Variants in RGS3 observed in about 807,000 individuals in gnomAD.
RGS3 encodes the protein regulator of G protein signaling 3.
A neutral mutation model predicts 132.6 loss-of-function variants in RGS3; 80 were observed. That is an observed-to-expected ratio of 0.60 (90% CI 0.50 to 0.73). The LOEUF (loss-of-function observed/expected upper bound fraction) is 0.73. Ranked by LOEUF, RGS3 falls within the 30% of genes least tolerant of loss-of-function variation. The probability of loss-of-function intolerance (pLI) is 0.00; values close to 1 mark genes in which losing one functional copy is unlikely to be tolerated. For missense variants in RGS3, 1,382 were observed against 1,530.8 expected, an observed-to-expected ratio of 0.90 and a Z score of 1.62; for synonymous variants, 598 against 620.6, an observed-to-expected ratio of 0.96 and a Z score of 0.54.
At position 113,596,617 on chromosome 9, in the gene RGS3, C is replaced by G. The variant is rs912990530; in HGVS notation, c.3412-151C>G. 1.8e-5 allele frequency: 11 copies of G among 623,128 alleles called. No individual in the cohort carries two copies. In the African/African-American group the frequency reaches 1.9e-4, roughly 11 times the overall value. The allele number at this position is 623,128 out of a possible 1,614,324, so 38.6% of individuals were successfully genotyped here. A position where few individuals can be genotyped will look rare whatever the true frequency, so the allele number is the denominator to read the frequency against. On this transcript the variant is annotated intron_variant, in intron 24 of 24. Coordinates refer to ENST00000350696, the Ensembl canonical transcript of RGS3. ...ATGACTGAGCCAGGACTTGAATCCTCTGGTCTGAGGGTCTCTACTTCAGAT... is the reference window on the plus strand; with the variant it reads ...ATGACTGAGCCAGGACTTGAATCCTGTGGTCTGAGGGTCTCTACTTCAGAT...
chr9:113,540,524 C>T (rs1832858316), intron 19 of RGS3, among the ~76,000 whole-genome samples: 1 of 152,136 alleles, frequency 6.6e-6, no homozygotes, highest in African/African-American at 2.4e-5. Flanking sequence ...CCTGGCTATC[C>T]AAGCATCATC....
intron 20 of RGS3, among the ~76,000 whole-genome samples, chr9:113,590,671 TG>T (rs1835375556): frequency 6.6e-6 from 1 of 151,902 alleles, no homozygotes; most frequent in Admixed American, 6.6e-5. Context: ...GACCTTCTGT[TG>T]GTTGGAAGGC....
intron 10 of RGS3, chr9:113,501,549 G>T (rs777970831): frequency 1.2e-5 from 18 of 1,539,640 alleles, no homozygotes; most frequent in Non-Finnish European, 1.6e-5. Context: ...GTTTTCATGG[G>T]GCGGCAGCCG....
intron 5 of RGS3, among the ~76,000 whole-genome samples, chr9:113,483,757 G>A (rs1278154156): frequency 6.6e-6 from 1 of 152,204 alleles, no homozygotes; most frequent in Non-Finnish European, 1.5e-5. Context: ...CCTTGGCAGA[G>A]GCTGACCTGG....
chr9:113,523,072 C>G (rs1206647217), intron 17 of RGS3, 31 bp downstream of exon 15: 2 of 1,425,830 alleles, frequency 1.4e-6, no homozygotes, highest in East Asian at 2.3e-5. Context: ...CCCAGAGCCC[C>G]TCTCAACTTG....
intron 19 of RGS3, among the ~76,000 whole-genome samples, chr9:113,552,695 T>C (rs1833390444): frequency 6.6e-6 from 1 of 152,222 alleles, no homozygotes; most frequent in Non-Finnish European, 1.5e-5. Context: ...ATTGTAATTA[T>C]ATTTCAAACT....
rs116105064 is a variant in RGS3, at chr9:113,577,597, T to C, written c.2038-5853T>C. On this transcript the variant is annotated intron_variant, in intron 19 of 24. Coordinates refer to ENST00000350696, the Ensembl canonical transcript of RGS3. ...TAGAGTTGGGGGTACTGATGGGATA[T>C]GCAGAAGGAGGTCTCCATCCATGTC... 3.9e-5 allele frequency among the ~76,000 whole-genome samples: 6 copies of C among 152,222 alleles called. No individual in the cohort carries two copies. In the East Asian group the frequency reaches 1.2e-3, roughly 29 times the overall value.
chr9:113,452,416 GTT>G (rs371128451), intron 1 of RGS3, among the ~76,000 whole-genome samples: 1 of 139,812 alleles, frequency 7.2e-6, no homozygotes, highest in Non-Finnish European at 1.6e-5. Flanking sequence ...GTAATGTGTA[GTT>G]TTTTTTTTTT....
In RGS3 at chr9:113,482,826, A is replaced by G. The variant is rs1034671552; in HGVS notation, c.467-233A>G. ...GTAATGCATTGGTGAGGGTGCTGCCAGAGAGTGGAAGATGGTGGGAATGGC... is the reference window on the plus strand; with the variant it reads ...GTAATGCATTGGTGAGGGTGCTGCCGGAGAGTGGAAGATGGTGGGAATGGC... On this transcript the variant is annotated intron_variant, in intron 4 of 24. Transcript: ENST00000350696. 1.8e-5 allele frequency: 17 copies of G among 956,060 alleles called. No individual in the cohort carries two copies. In the African/African-American group the frequency reaches 1.8e-4, roughly 10 times the overall value. The allele number at this position is 956,060 out of a possible 1,614,324, so 59.2% of individuals were successfully genotyped here. A position where few individuals can be genotyped will look rare whatever the true frequency, so the allele number is the denominator to read the frequency against.
chr9:113,539,998 T>C (rs931714599), intron 19 of RGS3, among the ~76,000 whole-genome samples: 2 of 152,088 alleles, frequency 1.3e-5, no homozygotes, highest in Non-Finnish European at 2.9e-5. Context: ...GCTTTGTGAT[T>C]TTCGTGAAAG....
At chr9:113,539,079 G>C (rs957958162) in intron 19 of RGS3, among the ~76,000 whole-genome samples, 2 of 152,220 alleles carry the variant, frequency 1.3e-5, no homozygotes, top group Admixed American at 1.3e-4. Flanking sequence ...TCCAGCCCTA[G>C]GTAGTTCTAG....
chr9:113,483,984 T>G (rs1830243523), intron 5 of RGS3, among the ~76,000 whole-genome samples, 154 bp from the exon 4 acceptor site: 1 of 152,092 alleles, frequency 6.6e-6, no homozygotes, highest in South Asian at 2.1e-4. Context: ...CCTTGTTCCC[T>G]TGCAGCATCT....
exon 20 of RGS3, chr9:113,584,354 C>T: frequency 6.3e-7 from 1 of 1,577,416 alleles, no homozygotes; most frequent in Non-Finnish European, 8.6e-7. Context: ...TCGCCCAGCA[C>T]CCTCAAGAAA....
intron 15 of RGS3, among the ~76,000 whole-genome samples, chr9:113,516,985 G>A (rs1430667726): frequency 2.0e-5 from 3 of 152,264 alleles, no homozygotes; most frequent in Non-Finnish European, 2.9e-5. Flanking sequence ...GGGCTGGGCT[G>A]GGCAAGGTGA....
chr9:113,492,953 T>A (rs982795906), intron 7 of RGS3, among the ~76,000 whole-genome samples: 1 of 152,150 alleles, frequency 6.6e-6, no homozygotes, highest in Non-Finnish European at 1.5e-5. Context: ...AAGATTTCGC[T>A]TAGTGAAGAG....
rs761624319 is a variant in RGS3, at chr9:113,514,473, G to A, written c.1493G>A (p.Ser498Asn). ...TGTTTCACAGAATCAGGGAGTCCCA[G>A]TAAAGGGAAGTCCTACACAGGCCTG... The change falls in exon 15 of 25, where the codon AGT (serine) becomes AAT (asparagine). Residue 498 changes from serine (S) to asparagine (N), a missense_variant. By Grantham distance (46) the Ser-to-Asn change is conservative (BLOSUM62 1). Transcript: ENST00000350696. 3.1e-6 allele frequency: 5 copies of A among 1,613,734 alleles called. No homozygotes were observed. The highest frequency in any genetic ancestry group is 4.5e-5 in the East Asian group (2 of 44,884).
At chr9:113,495,958 C>T in intron 8 of RGS3, 112 bp downstream of exon 6, 1 of 942,686 alleles carries the variant, frequency 1.1e-6, no homozygotes, top group South Asian at 1.3e-5. Flanking sequence ...GATGGTGCCC[C>T]ACTGAGACAG....
chr9:113,539,160 G>T (rs148768900), intron 19 of RGS3, among the ~76,000 whole-genome samples: 171 of 152,284 alleles, frequency 1.1e-3, no homozygotes, highest in Non-Finnish European at 1.9e-3. Flanking sequence ...GTCCACTTGC[G>T]CTCAGTTCCG....
chr9:113,523,811 C>G (rs1027991735), intron 17 of RGS3, among the ~76,000 whole-genome samples: 3 of 152,158 alleles, frequency 2.0e-5, no homozygotes, highest in South Asian at 4.2e-4. Flanking sequence ...AAATATTACC[C>G]AGTGAAAGAA....
Sources: allele counts gnomAD v4.1 joint callset (sites outside exome capture counted in the v4.1 genomes callset), GRCh38; gene constraint gnomAD v4.1.1; transcripts MANE v1.5; gene names NCBI Gene and HGNC (gene_info 2026-07-23, HGNC 2026-07-21).